Variants in CADM2 observed in about 807,000 individuals in gnomAD.
CADM2 encodes immunoglobulin superfamily member 4D.
A neutral mutation model predicts 49.8 loss-of-function variants in CADM2; 12 were observed. That is an observed-to-expected ratio of 0.24 (90% CI 0.15 to 0.39). CADM2 has a LOEUF of 0.39. Ranked by LOEUF, CADM2 falls within the 10% of genes least tolerant of loss-of-function variation. CADM2 has a pLI of 1.00. For synonymous variants in CADM2, 214 were observed against 175.4 expected (o/e 1.22, Z -1.74); for missense variants, 378 against 492.3 (o/e 0.77, Z 2.20).
rs545894838 is a variant in CADM2 at position 85,732,739 on chromosome 3, C to G, written c.88+6191C>G. ...TAGGTGTTTTCTCTTTCAATCCATACAAAACCCTCTGAGATAGGTACCATT... is the reference window on the plus strand; with the variant it reads ...TAGGTGTTTTCTCTTTCAATCCATAGAAAACCCTCTGAGATAGGTACCATT... On this transcript the variant is annotated intron_variant, in intron 2 of 9. Transcript: ENST00000383699. 1.8e-4 allele frequency among the ~76,000 whole-genome samples: 27 copies of G among 152,210 alleles called. No homozygotes were observed. The South Asian group carries it at 5.4e-3, about 30-fold the overall frequency.
At chr3:85,671,010 AT>A (rs945814822) in intron 1 of CADM2, among the ~76,000 whole-genome samples, 15 of 152,086 alleles carry the variant, frequency 9.9e-5, no homozygotes, top group African/African-American at 3.4e-4. Context: ...ATTCAGTGAT[AT>A]TTTTTTCCAA....
intron 1 of CADM2, among the ~76,000 whole-genome samples, chr3:85,392,953 C>A (rs556407093): frequency 6.6e-6 from 1 of 152,012 alleles, no homozygotes; most frequent in South Asian, 2.1e-4. Context: ...AACAATGATT[C>A]CTTGCCCTAT....
At chr3:85,826,951 A>G (rs1392568634) in intron 3 of CADM2, among the ~76,000 whole-genome samples, 1 of 152,014 alleles carries the variant, frequency 6.6e-6, no homozygotes, top group Admixed American at 6.6e-5. Flanking sequence ...CATTCTGATT[A>G]CAAGATAAAT....
intron 1 of CADM2, among the ~76,000 whole-genome samples, chr3:85,215,432 A>G (rs1450858259): frequency 6.6e-6 from 1 of 151,590 alleles, no homozygotes; most frequent in East Asian, 1.9e-4. Flanking sequence ...GGTTTGTTAC[A>G]TAGATAAATT....
intron 5 of CADM2, among the ~76,000 whole-genome samples, chr3:85,894,351 T>G (rs2108428592): frequency 6.6e-6 from 1 of 151,594 alleles, no homozygotes; most frequent in East Asian, 2.0e-4. Flanking sequence ...TGTTGTGGGG[T>G]AGGGGAAGTG....
Position 85,967,419 on chromosome 3 carries a change from A to G in CADM2, c.970+5772A>G, listed in dbSNP as rs183120059. ...TAGAGTTGTCAGTACTTGACCCTAA[A>G]TTTAGCAAAATAATATATATGTCAG... is the stretch of plus-strand genomic sequence containing the variant. On this transcript the variant is annotated intron_variant, in intron 8 of 9. Transcript: ENST00000383699. Among the ~76,000 whole-genome samples, 78 of 151,814 alleles carry G rather than the reference A, an allele frequency of 5.1e-4. 1 individual carries two copies. Among genetic ancestry groups the G allele is most frequent in the Admixed American group, 1.1e-3 (17 of 15,132 alleles).
At chr3:85,611,219 G>C (rs1375605506) in intron 1 of CADM2, among the ~76,000 whole-genome samples, 1 of 150,204 alleles carries the variant, frequency 6.7e-6, no homozygotes, top group Non-Finnish European at 1.5e-5. Flanking sequence ...ATATTAAAGT[G>C]TTTAATCATT....
chr3:85,957,110 A>AT (rs972793565), intron 7 of CADM2, among the ~76,000 whole-genome samples: 1 of 151,624 alleles, frequency 6.6e-6, no homozygotes, highest in Admixed American at 6.6e-5. Context: ...TTATTTTATC[A>AT]TTTTTTGCTG....
intron 8 of CADM2, among the ~76,000 whole-genome samples, chr3:85,995,360 A>G (rs1041375211): frequency 1.3e-5 from 2 of 152,204 alleles, no homozygotes; most frequent in African/African-American, 4.8e-5. Context: ...GAAAAATAGT[A>G]TAAATGATTT....
At chr3:84,983,795 C>T (rs1301185545) in intron 1 of CADM2, among the ~76,000 whole-genome samples, 6 of 152,124 alleles carry the variant, frequency 3.9e-5, no homozygotes, top group East Asian at 3.9e-4. Context: ...CATTGCATTA[C>T]GATTTTTATT....
chr3:85,862,160 T>A (rs1025223302), intron 3 of CADM2, among the ~76,000 whole-genome samples: 1 of 152,190 alleles, frequency 6.6e-6, no homozygotes, highest in African/African-American at 2.4e-5. Flanking sequence ...GCTAATGATG[T>A]CTCATGTTAC....
At chr3:85,650,545 C>T (rs2107579845) in intron 1 of CADM2, among the ~76,000 whole-genome samples, 1 of 148,336 alleles carries the variant, frequency 6.7e-6, no homozygotes, top group South Asian at 2.1e-4. Context: ...TGCCAAAATG[C>T]TAAATCTGAT....
intron 1 of CADM2, among the ~76,000 whole-genome samples, chr3:85,523,613 A>C (rs1366830622): frequency 1.3e-5 from 2 of 152,030 alleles, no homozygotes; most frequent in Non-Finnish European, 2.9e-5. Context: ...CAATTACAAC[A>C]ATCCTCAGTA....
intron 2 of CADM2, among the ~76,000 whole-genome samples, chr3:85,769,274 C>T (rs1375776896): frequency 8.3e-6 from 1 of 119,874 alleles, no homozygotes; most frequent in African/African-American, 3.3e-5. Flanking sequence ...CACATATATA[C>T]ATATATACAT....
At chr3:85,804,803 G>A (rs7653470) in intron 3 of CADM2, among the ~76,000 whole-genome samples, 105,093 of 152,044 alleles carry the variant, frequency 0.69, 37,334 homozygotes, top group African/African-American at 0.86. Context: ...ATATAAGGCA[G>A]CCTCCTTTTT....
intron 1 of CADM2, among the ~76,000 whole-genome samples, chr3:85,386,568 A>G (rs1202836783): frequency 5.3e-5 from 8 of 152,112 alleles, no homozygotes; most frequent in Admixed American, 4.6e-4. Flanking sequence ...AGAATTTCAA[A>G]CCTGGGCTGT....
chr3:85,265,272 CTAAT>C (rs2043098185), intron 1 of CADM2, among the ~76,000 whole-genome samples: 1 of 151,804 alleles, frequency 6.6e-6, no homozygotes, highest in South Asian at 2.1e-4. Context: ...ATTTTCATCT[CTAAT>C]TGTGAATGTA....
chr3:85,081,399 C>T (rs1415014642), intron 1 of CADM2, among the ~76,000 whole-genome samples: 1 of 152,096 alleles, frequency 6.6e-6, no homozygotes, highest in Non-Finnish European at 1.5e-5. Flanking sequence ...TATGAAGCAA[C>T]GTCCTCCATT....
At chr3:85,042,072 C>T (rs180685328) in intron 1 of CADM2, among the ~76,000 whole-genome samples, 1 of 151,976 alleles carries the variant, frequency 6.6e-6, no homozygotes, top group Admixed American at 6.6e-5. Flanking sequence ...CCTACATTAC[C>T]CTATCAGTCA....
Sources: allele counts gnomAD v4.1 joint callset (sites outside exome capture counted in the v4.1 genomes callset), GRCh38; gene constraint gnomAD v4.1.1; transcripts MANE v1.5; gene names NCBI Gene and HGNC (gene_info 2026-07-23, HGNC 2026-07-21).